Variants in SUCLG2 observed in about 807,000 individuals in gnomAD.
SUCLG2 encodes the protein succinate--CoA ligase [GDP-forming] subunit beta, mitochondrial.
In SUCLG2, 42 loss-of-function variants were observed where a neutral mutation model predicts 47.9. That is an observed-to-expected ratio of 0.88 (90% confidence interval 0.69 to 1.14). SUCLG2 has a LOEUF of 1.14. Ranked by LOEUF, SUCLG2 falls within the 50% of genes most tolerant of loss-of-function variation. The pLI, the probability that SUCLG2 is intolerant of heterozygous loss-of-function variation, is 0.00. For synonymous variants in SUCLG2, 195 were observed against 197.3 expected (o/e 0.99, Z 0.10); for missense variants, 571 against 525.9 (o/e 1.09, Z -0.84).
chr3:67,640,796 T>G (rs895585400), intron 1 of SUCLG2, among the ~76,000 whole-genome samples: 5 of 152,224 alleles, frequency 3.3e-5, no homozygotes, highest in Non-Finnish European at 5.9e-5. Context: ...AGCTTTTGAT[T>G]GCATGCTGAT....
At chr3:67,425,154 T>G (rs1703266141) in intron 9 of SUCLG2, among the ~76,000 whole-genome samples, 2 of 152,220 alleles carry the variant, frequency 1.3e-5, no homozygotes, top group South Asian at 4.1e-4. Flanking sequence ...GAATTTACTT[T>G]GTTTTTCTAA....
chr3:67,430,248 G>T (rs937416380), intron 9 of SUCLG2, among the ~76,000 whole-genome samples: 26 of 152,262 alleles, frequency 1.7e-4, no homozygotes, highest in African/African-American at 6.0e-4. Context: ...ATAACAAACT[G>T]TCTCTCAGAC....
At chr3:67,367,583 T>G (rs759542981) in intron 10 of SUCLG2, among the ~76,000 whole-genome samples, 1 of 152,234 alleles carries the variant, frequency 6.6e-6, no homozygotes, top group Non-Finnish European at 1.5e-5. Flanking sequence ...ATTGACACTT[T>G]GGGTTGAATA....
At chr3:67,583,933 A>C (rs1341993634) in intron 2 of SUCLG2, among the ~76,000 whole-genome samples, 2 of 152,200 alleles carry the variant, frequency 1.3e-5, no homozygotes, top group Admixed American at 6.5e-5. Flanking sequence ...TCCTGATCTT[A>C]AGGTCAACTG....
At chr3:67,638,116 G>C (rs1463972901) in intron 1 of SUCLG2, among the ~76,000 whole-genome samples, 1 of 152,158 alleles carries the variant, frequency 6.6e-6, no homozygotes, top group Non-Finnish European at 1.5e-5. Flanking sequence ...TCTCACAGCT[G>C]TGAATTCAAA....
chr3:67,442,706 T>G (rs1372283002), intron 9 of SUCLG2, among the ~76,000 whole-genome samples: 1 of 152,228 alleles, frequency 6.6e-6, no homozygotes, highest in African/African-American at 2.4e-5. Flanking sequence ...TACAGAGACT[T>G]TGTGGTGAAC....
At chr3:67,462,267 C>T (rs949647272) in intron 9 of SUCLG2, among the ~76,000 whole-genome samples, 4 of 152,228 alleles carry the variant, frequency 2.6e-5, no homozygotes, top group Middle Eastern at 3.4e-3. Flanking sequence ...AATCTCCCCC[C>T]ACTTTTCTGA....
intron 2 of SUCLG2, among the ~76,000 whole-genome samples, chr3:67,604,571 T>C (rs1483857980): frequency 3.9e-5 from 6 of 152,270 alleles, no homozygotes; most frequent in African/African-American, 1.4e-4. Flanking sequence ...AATGACTGAA[T>C]TTGGCGACCA....
intron 7 of SUCLG2, among the ~76,000 whole-genome samples, chr3:67,507,239 A>G (rs1705660995): frequency 1.3e-5 from 2 of 152,230 alleles, no homozygotes; most frequent in Admixed American, 6.5e-5. Flanking sequence ...TAGCTTGTTT[A>G]TAAATGAGCA....
At chr3:67,512,282 A>C (rs1705814464) in intron 6 of SUCLG2, among the ~76,000 whole-genome samples, 1 of 151,152 alleles carries the variant, frequency 6.6e-6, no homozygotes, top group Non-Finnish European at 1.5e-5. Flanking sequence ...TATTCTTTAT[A>C]ATTTCTTCCA....
At chr3:67,532,504 A>AT (rs1274300079) in intron 2 of SUCLG2, among the ~76,000 whole-genome samples, 1 of 152,216 alleles carries the variant, frequency 6.6e-6, no homozygotes, top group African/African-American at 2.4e-5. Flanking sequence ...TTGGGTCTGG[A>AT]TAACTCCAAA....
At chr3:67,386,000 G>C (rs953682870) in intron 10 of SUCLG2, among the ~76,000 whole-genome samples, 1 of 152,182 alleles carries the variant, frequency 6.6e-6, no homozygotes, top group Admixed American at 6.5e-5. Context: ...AGGTCTCAGA[G>C]GGACCAAGAA....
intron 9 of SUCLG2, among the ~76,000 whole-genome samples, chr3:67,422,036 T>A (rs1219034317): frequency 6.6e-6 from 1 of 152,186 alleles, no homozygotes; most frequent in Non-Finnish European, 1.5e-5. Flanking sequence ...AGAAGTTTAC[T>A]CAAATGAGGC....
chr3:67,617,844 G>C (rs550639207), intron 1 of SUCLG2, among the ~76,000 whole-genome samples: 95 of 152,230 alleles, frequency 6.2e-4, no homozygotes, highest in African/African-American at 2.2e-3. Flanking sequence ...CTCAAAAAAA[G>C]TTAGCTATTA....
At chr3:67,448,406 CTTAAA>C (rs1201867472) in intron 9 of SUCLG2, among the ~76,000 whole-genome samples, 3 of 152,124 alleles carry the variant, frequency 2.0e-5, no homozygotes, top group African/African-American at 7.2e-5. Context: ...AAGAGTCACA[CTTAAA>C]TTCTGACTCT....
At chr3:67,588,714 C>T (rs145676004) in intron 2 of SUCLG2, among the ~76,000 whole-genome samples, 8 of 152,178 alleles carry the variant, frequency 5.3e-5, no homozygotes, top group Admixed American at 1.3e-4. Flanking sequence ...TATATGACCA[C>T]TTTTTCACAT....
chr3:67,444,283 A>C (rs1276286497), intron 9 of SUCLG2, among the ~76,000 whole-genome samples: 2 of 43,016 alleles, frequency 4.6e-5, no homozygotes, highest in Non-Finnish European at 9.2e-5. Flanking sequence ...CAGGAGGGAG[A>C]TGGGGGGGTC....
chr3:67,622,886 T>C (rs1473432150), intron 1 of SUCLG2, among the ~76,000 whole-genome samples: 1 of 152,170 alleles, frequency 6.6e-6, no homozygotes, highest in Non-Finnish European at 1.5e-5. Context: ...GGCACTGCCC[T>C]TGCAGCCTGC....
At chr3:67,408,820 C>G in intron 9 of SUCLG2, 3 of 1,403,242 alleles carry the variant, frequency 2.1e-6, no homozygotes, top group Non-Finnish European at 2.8e-6. Flanking sequence ...AAACATCACA[C>G]AGCAGTAGGC....
Sources: allele counts gnomAD v4.1 joint callset (sites outside exome capture counted in the v4.1 genomes callset), GRCh38; gene constraint gnomAD v4.1.1; transcripts MANE v1.5; gene names NCBI Gene and HGNC (gene_info 2026-07-23, HGNC 2026-07-21).